Variants in SDAD1 observed in about 807,000 individuals in gnomAD.
SDAD1 encodes the protein SDA1 domain containing 1, also known as protein SDA1 homolog.
Under a neutral mutation model 100.3 loss-of-function variants are expected in SDAD1, and 79 were observed. That is an observed-to-expected ratio of 0.79 (90% CI 0.66 to 0.95). The LOEUF is 0.95. Ranked by LOEUF, SDAD1 falls within the 40% of genes least tolerant of loss-of-function variation. The pLI is 0.00. For synonymous variants in SDAD1, 267 were observed against 271.4 expected (o/e 0.98, Z 0.16); for missense variants, 790 against 810.9 (o/e 0.97, Z 0.31).
intron 4 of SDAD1, 26 bp from the exon 5 acceptor site, chr4:75,976,021 A>T: frequency 7.1e-7 from 1 of 1,416,238 alleles, no homozygotes; most frequent in South Asian, 1.2e-5. Flanking sequence ...AAAAATATAT[A>T]CATTAAACCT....
At chr4:75,989,689 T>C (rs1252143987) in intron 1 of SDAD1, among the ~76,000 whole-genome samples, 1 of 152,272 alleles carries the variant, frequency 6.6e-6, no homozygotes, top group Non-Finnish European at 1.5e-5. Context: ...TCTTTGCGAA[T>C]GGCTATACAA....
chr4:75,990,905 A>G lies in SDAD1; in HGVS notation c.-64T>C, dbSNP rs1468101865. 2.5e-6 allele frequency: 4 copies of G among 1,596,268 alleles called. No individual in the cohort carries two copies. In the Admixed American group the frequency reaches 5.0e-5, roughly 20 times the overall value. ...AAAACTCAGACGGCCGGCACCCCGC[A>G]ATCCCTGCCAGCTGCAGCTTGGACT... On this transcript the variant is annotated 5_prime_UTR_variant, in exon 1 of 22. Transcript: ENST00000356260.
At chr4:75,961,786 T>A (rs943030082) in intron 14 of SDAD1, among the ~76,000 whole-genome samples, 10 of 152,224 alleles carry the variant, frequency 6.6e-5, no homozygotes, top group African/African-American at 9.6e-5. Flanking sequence ...AAAAGAGTGC[T>A]TCAATAATAA....
chr4:75,970,229 T>G (rs924702224), intron 10 of SDAD1, 80 bp downstream of exon 10: 26 of 1,168,318 alleles, frequency 2.2e-5, no homozygotes, highest in Non-Finnish European at 2.9e-5. Context: ...GGATCTTATA[T>G]TCCCTGAAAA....
Position 75,977,722 on chromosome 4 carries a change from T to G in SDAD1, c.329A>C (p.Lys110Thr), listed in dbSNP as rs1296730505. 1 of 1,612,990 alleles carries G rather than the reference T, an allele frequency of 6.2e-7. No individual in the cohort carries two copies. The highest frequency in any genetic ancestry group is 1.7e-5 in the Admixed American group (1 of 59,896). ...CAGGCTTGATGGATTGATGAGATTC[T>G]TATTTCTCAGCAAGATCAAAGCTTT... is the stretch of plus-strand genomic sequence containing the variant. ...FCKALILLRN[K>T]NLINPSSLLE... Residue 110 changes from lysine to threonine, a missense_variant, in exon 4 of 22, where the codon AAG (lysine) becomes ACG (threonine). Physicochemically the swap from Lys to Thr is moderately conservative, Grantham distance 78 (BLOSUM62 -1). Transcript: ENST00000356260.
At chr4:75,967,157 C>A in intron 12 of SDAD1, 120 bp downstream of exon 12, 1 of 881,548 alleles carries the variant, frequency 1.1e-6, no homozygotes, top group South Asian at 1.7e-5. Context: ...AAGGGCTTCT[C>A]TTCACATCTC....
intron 21 of SDAD1, among the ~76,000 whole-genome samples, chr4:75,954,710 T>A (rs1254998427): frequency 6.6e-6 from 1 of 152,236 alleles, no homozygotes; most frequent in African/African-American, 2.4e-5. Flanking sequence ...GCTGCCAGAA[T>A]GAGCCAACAG....
chr4:75,976,427 A>T (rs1042008929), intron 4 of SDAD1, among the ~76,000 whole-genome samples: 1 of 152,252 alleles, frequency 6.6e-6, no homozygotes, highest in Non-Finnish European at 1.5e-5. Context: ...AACATGAATG[A>T]ATCTTGGAAA....
intron 11 of SDAD1, among the ~76,000 whole-genome samples, 173 bp from the exon 12 acceptor site, chr4:75,967,507 A>G (rs1370040336): frequency 6.6e-6 from 1 of 152,222 alleles, no homozygotes; most frequent in Non-Finnish European, 1.5e-5. Context: ...CAAGGCTAGG[A>G]ATTCTCTCAA....
Position 75,950,899 on chromosome 4 carries a change from C to T in SDAD1, c.2017-102G>A. Reference sequence around the variant, plus strand: ...CTAAAAAGGAATCACCAAGTCAATACACCATCCTGAAAAACTATAAATGAT... The same window carrying T: ...CTAAAAAGGAATCACCAAGTCAATATACCATCCTGAAAAACTATAAATGAT... On this transcript the variant is annotated intron_variant, in intron 21 of 21. Transcript: ENST00000356260. 3 of 655,132 alleles carry T rather than the reference C, an allele frequency of 4.6e-6. No homozygotes were observed. In the Admixed American group the frequency reaches 7.7e-5, roughly 17 times the overall value. 40.6% of individuals were successfully genotyped at this position (655,132 alleles called of 1,614,324 possible). A position where few individuals can be genotyped will look rare whatever the true frequency, so the allele number is the denominator to read the frequency against.
chr4:75,957,212 CCTTT>C, intron 20 of SDAD1, 109 bp downstream of exon 20: 4 of 784,338 alleles, frequency 5.1e-6, no homozygotes, highest in South Asian at 3.6e-5. Context: ...GTTAATTATA[CCTTT>C]ATTTAAAACA....
intron 17 of SDAD1, among the ~76,000 whole-genome samples, chr4:75,959,693 T>C (rs116249477): frequency 0.012 from 1,875 of 152,252 alleles, 15 homozygotes; most frequent in Middle Eastern, 0.034. Context: ...CTCGAGTATT[T>C]GCCCACAAAT....
At chr4:75,981,527 T>G (rs1405472010) in intron 2 of SDAD1, 57 bp from the exon 3 acceptor site, 1 of 1,608,002 alleles carries the variant, frequency 6.2e-7, no homozygotes, top group Non-Finnish European at 8.5e-7. Flanking sequence ...ATAATTCAGA[T>G]GCATACATTT....
Position 75,950,494 on chromosome 4 carries a change from T to C in SDAD1, c.*256A>G, listed in dbSNP as rs1334397315. Reference sequence around the variant, plus strand: ...GTTTTGCATCTACAGTGACAATGAATAGGCACTCAATACATACTTTTTTTT... The same window carrying C: ...GTTTTGCATCTACAGTGACAATGAACAGGCACTCAATACATACTTTTTTTT... On this transcript the variant is annotated 3_prime_UTR_variant, in exon 22 of 22. Transcript: ENST00000356260. The C allele has an allele frequency of 7.5e-6, 3 of 398,408 alleles. No homozygotes were observed. Among genetic ancestry groups the C allele is most frequent in the African/African-American group, 2.0e-5 (1 of 50,642 alleles). 24.7% of individuals were successfully genotyped at this position (398,408 alleles called of 1,614,324 possible).
chr4:75,952,359 C>T (rs1291220903), intron 21 of SDAD1, among the ~76,000 whole-genome samples: 1 of 152,212 alleles, frequency 6.6e-6, no homozygotes, highest in Non-Finnish European at 1.5e-5. Context: ...GCACAGCCTA[C>T]TCTCACACAT....
At chr4:75,952,199 A>G (rs774923085) in intron 21 of SDAD1, among the ~76,000 whole-genome samples, 5 of 152,256 alleles carry the variant, frequency 3.3e-5, no homozygotes, top group Non-Finnish European at 5.9e-5. Flanking sequence ...AATTGGTTTA[A>G]TCACAGTAAC....
intron 20 of SDAD1, among the ~76,000 whole-genome samples, chr4:75,956,394 C>T (rs1728893932): frequency 1.6e-5 from 2 of 125,050 alleles, no homozygotes; most frequent in Non-Finnish European, 3.3e-5. Flanking sequence ...GACAGGTAGA[C>T]TGTTTTTTTT....
At position 75,950,588 on chromosome 4, in the gene SDAD1, G is replaced by T; in HGVS notation, c.*162C>A. 2.0e-6 allele frequency: 1 copy of T among 489,366 alleles called. No individual in the cohort carries two copies. Among genetic ancestry groups the T allele is most frequent in the Non-Finnish European group, 3.8e-6 (1 of 263,440 alleles). The allele number at this position is 489,366 out of a possible 1,614,324, so 30.3% of individuals were successfully genotyped here. On this transcript the variant is annotated 3_prime_UTR_variant, in exon 22 of 22. Coordinates refer to ENST00000356260, the MANE Select transcript of SDAD1 (RefSeq NM_018115.4). ...TACATTAACATTCCTACCATTAGCC[G>T]TCTCCAAAATAAAAACACAAAATTG...
intron 17 of SDAD1, among the ~76,000 whole-genome samples, chr4:75,959,044 G>A (rs369620301): frequency 1.5e-5 from 2 of 129,756 alleles, no homozygotes; most frequent in East Asian, 4.8e-4. Flanking sequence ...CTTGCCGTGA[G>A]CCGAGATCAC....
Sources: allele counts gnomAD v4.1 joint callset (sites outside exome capture counted in the v4.1 genomes callset), GRCh38; gene constraint gnomAD v4.1.1; transcripts MANE v1.5; gene names NCBI Gene and HGNC (gene_info 2026-07-23, HGNC 2026-07-21).